The following ULK4 variants were observed in gnomAD, a reference collection of about 807,000 sequenced individuals.
ULK4 encodes unc-51 like kinase 4, also known as inactive serine/threonine-protein kinase ULK4.
In ULK4, 133 loss-of-function variants were observed where a neutral mutation model predicts 160.6. The observed-to-expected ratio is 0.83, with a 90% CI of 0.72 to 0.96. ULK4 has a LOEUF of 0.96. ULK4 is among the 40% of genes least tolerant of loss of function. ULK4 has a pLI of 0.00. For missense variants in ULK4, 1,580 were observed against 1,499.5 expected (o/e 1.05, Z -0.89); for synonymous variants, 534 against 539.8 (o/e 0.99, Z 0.15).
At chr3:41,646,408 C>T (rs2034492584) in intron 30 of ULK4, among the ~76,000 whole-genome samples, 1 of 152,194 alleles carries the variant, frequency 6.6e-6, no homozygotes, top group African/African-American at 2.4e-5. Flanking sequence ...AACCTGTCAG[C>T]ATTTGCTTGT....
chr3:41,520,929 T>G (rs1001639815), intron 32 of ULK4, among the ~76,000 whole-genome samples: 1 of 152,232 alleles, frequency 6.6e-6, no homozygotes, highest in African/African-American at 2.4e-5. Context: ...CTTGTTGAGT[T>G]GTAGGAGTTC....
At chr3:41,400,769 T>A (rs899215609) in intron 34 of ULK4, among the ~76,000 whole-genome samples, 1 of 152,176 alleles carries the variant, frequency 6.6e-6, no homozygotes, top group Admixed American at 6.5e-5. Context: ...AAGGCAGCTG[T>A]AGCGTTTTAC....
intron 17 of ULK4, among the ~76,000 whole-genome samples, chr3:41,868,808 T>C (rs377016482): frequency 4.3e-4 from 65 of 151,788 alleles, no homozygotes; most frequent in Middle Eastern, 6.8e-3. Context: ...GTCTTTTTTT[T>C]CCCCCCCAAT....
intron 9 of ULK4, among the ~76,000 whole-genome samples, chr3:41,912,019 T>TA (rs869139255): frequency 3.2e-4 from 46 of 142,356 alleles, no homozygotes; most frequent in Middle Eastern, 3.6e-3. Flanking sequence ...TTTTTTAATT[T>TA]AAAAAAAAAA....
At chr3:41,590,474 A>AAAAAAAAAC in intron 31 of ULK4, among the ~76,000 whole-genome samples, 1 of 148,482 alleles carries the variant, frequency 6.7e-6, no homozygotes, top group Non-Finnish European at 1.5e-5. Context: ...AAAAAAAAAA[A>AAAAAAAAAC]AAAAAAAAAA....
chr3:41,789,949 G>C (rs2040099671), intron 20 of ULK4, 106 bp from the exon 21 acceptor site: 2 of 1,051,452 alleles, frequency 1.9e-6, no homozygotes, highest in Admixed American at 6.4e-5. Context: ...GTGCTTACTT[G>C]GCTCTTTTAT....
At chr3:41,305,605 C>T (rs1257184738) in intron 35 of ULK4, among the ~76,000 whole-genome samples, 1 of 152,226 alleles carries the variant, frequency 6.6e-6, no homozygotes, top group Non-Finnish European at 1.5e-5. Flanking sequence ...CTTGGCCTCC[C>T]AAAGTGCCGA....
chr3:41,698,730 G>C (rs994909893), intron 27 of ULK4, among the ~76,000 whole-genome samples: 2 of 152,020 alleles, frequency 1.3e-5, no homozygotes, highest in African/African-American at 4.8e-5. Flanking sequence ...ATACAATTCA[G>C]ATAATTTTCA....
At chr3:41,417,404 G>A (rs1010431020) in intron 34 of ULK4, among the ~76,000 whole-genome samples, 1 of 152,176 alleles carries the variant, frequency 6.6e-6, no homozygotes, top group Non-Finnish European at 1.5e-5. Flanking sequence ...CTGAAAGAGG[G>A]AGGAAAATGT....
chr3:41,830,640 A>G (rs2041547606), intron 18 of ULK4, among the ~76,000 whole-genome samples: 1 of 152,186 alleles, frequency 6.6e-6, no homozygotes, highest in Non-Finnish European at 1.5e-5. Context: ...CAAAAAAAGA[A>G]GAATTAGACT....
In ULK4 at chr3:41,791,724, A is replaced by T. The variant is rs545002269; in HGVS notation, c.2011-1881T>A. 6.6e-5 allele frequency among the ~76,000 whole-genome samples: 10 copies of T among 152,210 alleles called. No homozygotes were observed. In the South Asian group the frequency reaches 1.9e-3, roughly 28 times the overall value. Reference sequence around the variant, plus strand: ...GTATTGAAATAAACATTTATGGGAGATTTTTAAATTAATACTCTATACATT... The same window carrying T: ...GTATTGAAATAAACATTTATGGGAGTTTTTTAAATTAATACTCTATACATT... On this transcript the variant is annotated intron_variant, in intron 20 of 36. Transcript: ENST00000301831.
At chr3:41,733,913 T>C (rs1179306858) in intron 22 of ULK4, among the ~76,000 whole-genome samples, 1 of 151,972 alleles carries the variant, frequency 6.6e-6, no homozygotes, top group African/African-American at 2.4e-5. Context: ...TTTTTTGTAT[T>C]TTTAGTTGAG....
At chr3:41,582,884 A>G (rs938629740) in intron 31 of ULK4, among the ~76,000 whole-genome samples, 2 of 152,266 alleles carry the variant, frequency 1.3e-5, no homozygotes, top group South Asian at 2.1e-4. Context: ...AACTAGATGC[A>G]TTCTTAAGAA....
At chr3:41,699,276 C>T (rs2036595329) in intron 27 of ULK4, among the ~76,000 whole-genome samples, 1 of 152,180 alleles carries the variant, frequency 6.6e-6, no homozygotes, top group South Asian at 2.1e-4. Context: ...ACTCAAATAA[C>T]TGGTTTAAAG....
chr3:41,310,453 G>A (rs9845681), intron 35 of ULK4, among the ~76,000 whole-genome samples: 44,910 of 152,028 alleles, frequency 0.3, 6,964 homozygotes, highest in Middle Eastern at 0.35. Context: ...CTGGGAGGGC[G>A]GGGGAAGGCA....
At chr3:41,295,211 CAAG>C (rs1216758087) in intron 35 of ULK4, among the ~76,000 whole-genome samples, 13 of 136,656 alleles carry the variant, frequency 9.5e-5, no homozygotes, top group South Asian at 2.4e-4. Flanking sequence ...ATAGTTTTTT[CAAG>C]AAATAGTGTT....
chr3:41,950,791 A>T (rs1700266249), intron 2 of ULK4, among the ~76,000 whole-genome samples: 1 of 152,168 alleles, frequency 6.6e-6, no homozygotes, highest in African/African-American at 2.4e-5. Context: ...GGAATTAACC[A>T]AACAGGTGGA....
chr3:41,870,352 T>C (rs769540119), intron 17 of ULK4, among the ~76,000 whole-genome samples: 3 of 152,242 alleles, frequency 2.0e-5, no homozygotes, highest in Non-Finnish European at 4.4e-5. Context: ...GATAATTTTA[T>C]GTAATATTAT....
intron 34 of ULK4, among the ~76,000 whole-genome samples, chr3:41,429,805 A>C (rs2082862956): frequency 6.6e-6 from 1 of 152,100 alleles, no homozygotes. Context: ...GGCTGGGCTT[A>C]ATACCTAAGT....
Sources: gnomAD v4.1 joint callset for allele counts (sites outside exome capture counted in the v4.1 genomes callset) on GRCh38, gnomAD v4.1.1 for gene constraint, MANE v1.5 for transcripts, NCBI Gene and HGNC (gene_info 2026-07-23, HGNC 2026-07-21) for gene names.